The following FARP1 variants were observed in gnomAD, a reference collection of about 807,000 sequenced individuals.
FARP1 encodes FERM, ARH/RhoGEF and pleckstrin domain protein 1.
A neutral mutation model predicts 128.8 loss-of-function variants in FARP1; 52 were observed. That is an observed-to-expected ratio of 0.40 (90% CI 0.32 to 0.51). FARP1 has a LOEUF of 0.51. Ranked by LOEUF, FARP1 falls within the 20% of genes least tolerant of loss-of-function variation. The pLI is 0.45. For synonymous variants in FARP1, 580 were observed against 551.8 expected, an observed-to-expected ratio of 1.05 and a Z score of -0.72; for missense variants, 1,333 against 1,367.9, an observed-to-expected ratio of 0.97 and a Z score of 0.40.
chr13:98,417,484 A>AAAAAAAAAAG (rs1566305247), intron 16 of FARP1, among the ~76,000 whole-genome samples: 1 of 138,402 alleles, frequency 7.2e-6, no homozygotes, highest in Non-Finnish European at 1.6e-5. Context: ...AAAAAAAAAA[A>AAAAAAAAAAG]GAACACATGG....
intron 12 of FARP1, among the ~76,000 whole-genome samples, 168 bp from the exon 13 acceptor site, chr13:98,395,059 G>C (rs1245413579): frequency 6.6e-6 from 1 of 152,180 alleles, no homozygotes; most frequent in African/African-American, 2.4e-5. Context: ...TCTGGATCAT[G>C]CCCAGATGTG....
chr13:98,247,279 G>A (rs147437669), intron 2 of FARP1, among the ~76,000 whole-genome samples: 13 of 152,286 alleles, frequency 8.5e-5, no homozygotes, highest in African/African-American at 2.6e-4. Context: ...CCTAGAAGAC[G>A]ATGCGTGCCA....
chr13:98,431,005 C>A, intron 17 of FARP1, 38 bp from the exon 18 acceptor site: 1 of 1,393,486 alleles, frequency 7.2e-7, no homozygotes, highest in Non-Finnish European at 1.0e-6. Flanking sequence ...GCATCCCATT[C>A]AGCTGAACAG....
chr13:98,310,191 C>G (rs541127720), intron 2 of FARP1, among the ~76,000 whole-genome samples: 1 of 152,090 alleles, frequency 6.6e-6, no homozygotes, highest in South Asian at 2.1e-4. Context: ...CTTGCCTCCC[C>G]TTCCCGACGG....
At position 98,452,180 on chromosome 13, in the gene FARP1, T is replaced by C. The variant is rs1436501964; in HGVS notation, c.*3863T>C. Reference sequence around the variant, plus strand: ...AAAATAAGCGTGTTATAAAATTTATTTGTGTAAGCATTCAGACATTTTTAG... The same window carrying C: ...AAAATAAGCGTGTTATAAAATTTATCTGTGTAAGCATTCAGACATTTTTAG... On this transcript the variant is annotated 3_prime_UTR_variant, in exon 27 of 27. Transcript: ENST00000319562. 6.6e-6 allele frequency: 1 copy of C among 152,118 alleles called. No homozygotes were observed. The highest frequency in any genetic ancestry group is 1.5e-5 in the Non-Finnish European group (1 of 68,026). 9.4% of individuals were successfully genotyped at this position (152,118 alleles called of 1,614,324 possible).
chr13:98,446,812 C>A lies in FARP1; in HGVS notation c.3051C>A (p.Phe1017Leu). Residue 1017 changes from phenylalanine to leucine, a missense_variant, in exon 26 of 27, where the codon TTC becomes TTA. Phe to Leu is a conservative substitution (Grantham distance 22). This residue lies in a region of FARP1 where 1,009 missense variants were observed against 969.8 expected (regional missense o/e 1.04). Transcript: ENST00000319562. ...YYFRAESEYT[F>L]ERWMEVIRSA... is the part of the protein sequence containing the mutation. ...TCAGGGCGGAAAGCGAGTACACGTT[C>A]GAAAGGTAGACACCCCCTTCCCACG... 6.2e-7 allele frequency: 1 copy of A among 1,614,006 alleles called. No homozygotes were observed. The highest frequency in any genetic ancestry group is 1.1e-5 in the South Asian group (1 of 91,048).
Position 98,316,098 on chromosome 13 carries a change from ATTTG to A in FARP1, c.172-27658_172-27655del, listed in dbSNP as rs149263358. 3.4e-3 allele frequency among the ~76,000 whole-genome samples: 525 copies of A among 152,202 alleles called. 4 individuals carry two copies. Among genetic ancestry groups the A allele is most frequent in the African/African-American group, 0.012 (489 of 41,516 alleles). On this transcript the variant is annotated intron_variant, in intron 2 of 26. Coordinates refer to ENST00000319562, the MANE Select transcript of FARP1 (RefSeq NM_005766.4). The stretch of plus-strand genomic sequence containing the variant: ...TGTCAACCCTCATGGTTGCTGTTGA[ATTTG>A]TTTGTGAACATTTGACTGCAGGCTG...
At chr13:98,410,692 A>G (rs765001038) in intron 14 of FARP1, 42 bp from the exon 15 acceptor site, 8 of 1,089,342 alleles carry the variant, frequency 7.3e-6, no homozygotes, top group East Asian at 2.4e-5. Flanking sequence ...CGCATACTCA[A>G]AAATGATTAT....
At chr13:98,359,691 T>G (rs114047426) in intron 3 of FARP1, among the ~76,000 whole-genome samples, 1 of 152,156 alleles carries the variant, frequency 6.6e-6, no homozygotes, top group Non-Finnish European at 1.5e-5. Context: ...TGTGTTGGAG[T>G]TGGCCTCAGT....
In FARP1 at chr13:98,253,462, T is replaced by C. The variant is rs184923643; in HGVS notation, c.171+40049T>C. On this transcript the variant is annotated intron_variant, in intron 2 of 26. Transcript: ENST00000319562. ...AAACTGAGACTCAGATCAAAGACTT[T>C]GATGTGAGACAAAAACTGGATTTGG... 3.3e-5 allele frequency among the ~76,000 whole-genome samples: 5 copies of C among 152,306 alleles called. No homozygotes were observed. In the East Asian group the frequency reaches 9.6e-4, roughly 29 times the overall value.
At chr13:98,337,349 G>T (rs1399653259) in intron 2 of FARP1, among the ~76,000 whole-genome samples, 1 of 152,146 alleles carries the variant, frequency 6.6e-6, no homozygotes, top group African/African-American at 2.4e-5. Context: ...TCCAGCCAAG[G>T]CGACAGCAAT....
At chr13:98,274,327 G>A (rs1266541376) in intron 2 of FARP1, among the ~76,000 whole-genome samples, 1 of 152,148 alleles carries the variant, frequency 6.6e-6, no homozygotes, top group African/African-American at 2.4e-5. Context: ...GCGGGGCAGC[G>A]TGGGGCTCCT....
rs1182434616 is a variant in FARP1 at position 98,176,708 on chromosome 13, TGG to T, written c.-24+33219_-24+33220del. The T allele has an allele frequency of 6.2e-7, 1 of 1,614,066 alleles. No homozygotes were observed. Among genetic ancestry groups the T allele is most frequent in the Non-Finnish European group, 8.5e-7 (1 of 1,180,032 alleles). ...GCGCGCAGATGCCCTGGCGCACGTA[TGG>T]GGCCCTTCCTCGCCATCCCCGAGGA... is the stretch of plus-strand genomic sequence containing the variant. On this transcript the variant is annotated intron_variant, in intron 1 of 26. Coordinates refer to ENST00000319562, the MANE Select transcript of FARP1 (RefSeq NM_005766.4). This position sits in a 1 kb window ranked among gnomAD's most constrained non-coding sequence, Gnocchi z 6.2.
chr13:98,323,424 C>T (rs1281479179), intron 2 of FARP1, among the ~76,000 whole-genome samples: 2 of 147,946 alleles, frequency 1.4e-5, no homozygotes. Context: ...CTGCTGGCTT[C>T]GGAGATGTGG....
Position 98,210,363 on chromosome 13 carries a change from T to C in FARP1, c.-23-2857T>C, listed in dbSNP as rs548160786. Among the ~76,000 whole-genome samples, 18 of 152,184 alleles carry C rather than the reference T, an allele frequency of 1.2e-4. No homozygotes were observed. In the South Asian group the frequency reaches 3.7e-3, roughly 32 times the overall value. On this transcript the variant is annotated intron_variant, in intron 1 of 26. Coordinates refer to ENST00000319562, the MANE Select transcript of FARP1 (RefSeq NM_005766.4). ...CTCCTTTCATTGATTCTAATGGCTTTCACCCTGAACCCATAGCCCAGACCC... is the reference window on the plus strand; with the variant it reads ...CTCCTTTCATTGATTCTAATGGCTTCCACCCTGAACCCATAGCCCAGACCC...
intron 2 of FARP1, among the ~76,000 whole-genome samples, chr13:98,306,145 GTTAC>G (rs1164264658): frequency 6.6e-5 from 10 of 152,238 alleles, no homozygotes; most frequent in African/African-American, 2.2e-4. Flanking sequence ...GCTTTATGCA[GTTAC>G]TTACAGTTAA....
intron 2 of FARP1, chr13:98,338,426 A>C (rs1168230974): frequency 6.6e-6 from 1 of 152,124 alleles, no homozygotes; most frequent in Non-Finnish European, 1.5e-5. Flanking sequence ...TCCTTTGATG[A>C]CTGGCTTATT....
In FARP1 at chr13:98,286,502, G is replaced by T. The variant is rs545203311; in HGVS notation, c.172-57260G>T. ...CACGTTCTGATGGTTTTATAAGGGG[G>T]TTCTGCTTTTGCTTCTCTCTCTTCT... On this transcript the variant is annotated intron_variant, in intron 2 of 26. Coordinates refer to ENST00000319562, the MANE Select transcript of FARP1 (RefSeq NM_005766.4). Among the ~76,000 whole-genome samples the T allele has an allele frequency of 7.2e-5, 11 of 152,254 alleles. No individual in the cohort carries two copies. The South Asian group carries it at 2.3e-3, about 32-fold the overall frequency.
intron 1 of FARP1, among the ~76,000 whole-genome samples, chr13:98,199,927 T>G (rs983777172): frequency 6.6e-6 from 1 of 152,154 alleles, no homozygotes; most frequent in African/African-American, 2.4e-5. Flanking sequence ...GATTGGAGAT[T>G]TTTTTCTGGT....
Sources: allele counts gnomAD v4.1 joint callset (sites outside exome capture counted in the v4.1 genomes callset), GRCh38; gene constraint gnomAD v4.1.1; regional missense constraint gnomAD v4.1.1; non-coding constraint Gnocchi (gnomAD v3.1); transcripts MANE v1.5; gene names NCBI Gene and HGNC (gene_info 2026-07-23, HGNC 2026-07-21).